TEX36: variants seen among roughly 807,000 people sequenced by gnomAD.
The protein encoded by TEX36 is testis expressed 36.
TEX36 carries 12 observed loss-of-function variants against 13.6 expected under a neutral mutation model. That is an observed-to-expected ratio of 0.88 (90% CI 0.56 to 1.43). The LOEUF (loss-of-function observed/expected upper bound fraction) is 1.43. Among genes scored for constraint, TEX36 ranks in the 40% most tolerant of loss-of-function variants. The pLI is 0.00. For missense variants in TEX36, 224 were observed against 228.3 expected (o/e 0.98, Z 0.12); for synonymous variants, 93 against 83.0 (o/e 1.12, Z -0.65).
At position 125,596,424 on chromosome 10, in the gene TEX36, C is replaced by T. The variant is rs193060031; in HGVS notation, c.265-19550G>A. The stretch of plus-strand genomic sequence containing the variant: ...TTCAAAGATAAAGCAAAACTGTTGG[C>T]TTTGAAAATGGAGGAAGAGACCATG... On this transcript the variant is annotated intron_variant, in intron 3 of 3. Coordinates refer to the TEX36 transcript ENST00000532135. Among the ~76,000 whole-genome samples, 546 of 152,126 alleles carry T rather than the reference C, an allele frequency of 3.6e-3. 19 individuals are homozygous for T. The highest frequency in any genetic ancestry group is 1.4e-3 in the East Asian group (7 of 5,184).
At chr10:125,586,685 T>C (rs147221640) in intron 3 of TEX36, among the ~76,000 whole-genome samples, 3 of 148,724 alleles carry the variant, frequency 2.0e-5, no homozygotes, top group Non-Finnish European at 3.0e-5. Flanking sequence ...CACACACTTG[T>C]AGTCCCAGCT....
At chr10:125,579,661 T>G (rs891571265) in intron 3 of TEX36, among the ~76,000 whole-genome samples, 7 of 152,166 alleles carry the variant, frequency 4.6e-5, no homozygotes, top group Admixed American at 4.6e-4. Flanking sequence ...GATTGGATCA[T>G]GGGGGTGGAT....
chr10:125,601,822 G>T (rs577435437), intron 3 of TEX36, among the ~76,000 whole-genome samples: 2 of 152,170 alleles, frequency 1.3e-5, no homozygotes, highest in Non-Finnish European at 2.9e-5. Context: ...TGGGAACACC[G>T]ACCTGCTAAC....
At chr10:125,578,784 C>T (rs2133519289) in intron 3 of TEX36, among the ~76,000 whole-genome samples, 1 of 152,292 alleles carries the variant, frequency 6.6e-6, no homozygotes, top group African/African-American at 2.4e-5. Context: ...TGAGAGCAAC[C>T]TCTCAAAAAC....
intron 3 of TEX36, among the ~76,000 whole-genome samples, chr10:125,601,170 T>C (rs778553917): frequency 5.3e-5 from 8 of 152,280 alleles, no homozygotes; most frequent in Non-Finnish European, 8.8e-5. Context: ...TAATTTTCAG[T>C]TAATCATAAC....
intron 3 of TEX36, among the ~76,000 whole-genome samples, chr10:125,649,929 T>A (rs1011272017): frequency 6.6e-6 from 1 of 152,190 alleles, no homozygotes; most frequent in African/African-American, 2.4e-5. Flanking sequence ...AAGGGATCAA[T>A]TTATCAAGAA....
chr10:125,636,385 T>A (rs961175406), intron 3 of TEX36, among the ~76,000 whole-genome samples: 140 of 150,302 alleles, frequency 9.3e-4, no homozygotes, highest in Middle Eastern at 3.4e-3. Flanking sequence ...TTTTTTTTTT[T>A]ATATATTTTT....
At chr10:125,581,092 GCAGCCTAGGGA>G (rs1421189651) in intron 3 of TEX36, among the ~76,000 whole-genome samples, 1 of 152,280 alleles carries the variant, frequency 6.6e-6, no homozygotes, top group African/African-American at 2.4e-5. Flanking sequence ...TCTAGCAGCA[GCAGCCTAGGGA>G]CAGCTTCCCT....
At position 125,597,086 on chromosome 10, in the gene TEX36, C is replaced by T. The variant is rs532601023; in HGVS notation, c.265-20212G>A. Reference sequence around the variant, plus strand: ...AAACCTGGCTGAGCCCTGCAGGTGACCACATGCAATTTTAGGGGAGTGACT... The same window carrying T: ...AAACCTGGCTGAGCCCTGCAGGTGATCACATGCAATTTTAGGGGAGTGACT... On this transcript the variant is annotated intron_variant, in intron 3 of 3. Transcript: ENST00000532135. 7.2e-4 allele frequency among the ~76,000 whole-genome samples: 110 copies of T among 152,326 alleles called. 1 individual carries two copies. Among genetic ancestry groups the T allele is most frequent in the African/African-American group, 2.6e-3 (108 of 41,574 alleles).
At chr10:125,595,800 C>T (rs1219769202) in intron 3 of TEX36, among the ~76,000 whole-genome samples, 3 of 152,174 alleles carry the variant, frequency 2.0e-5, no homozygotes, top group Admixed American at 6.5e-5. Flanking sequence ...ACCTCCTTCC[C>T]CTGTTTACTT....
At chr10:125,676,421 A>G (rs1847313387) in intron 1 of TEX36, among the ~76,000 whole-genome samples, 1 of 152,164 alleles carries the variant, frequency 6.6e-6, no homozygotes, top group Admixed American at 6.5e-5. Context: ...ATCTAAGTAC[A>G]GCTACTGTTG....
chr10:125,638,739 G>A (rs1846648653), intron 3 of TEX36, among the ~76,000 whole-genome samples: 1 of 152,218 alleles, frequency 6.6e-6, no homozygotes, highest in Admixed American at 6.5e-5. Context: ...GAGCTGGTCT[G>A]CAGCCACACT....
downstream of TEX36, among the ~76,000 whole-genome samples, chr10:125,617,671 G>A (rs1465264683): frequency 1.3e-5 from 2 of 152,166 alleles, no homozygotes; most frequent in African/African-American, 2.4e-5. Context: ...TAGTCTGATG[G>A]GCTTCCCTTT....
rs763666393 is a variant in TEX36 at position 125,656,074 on chromosome 10, G to A, written c.387C>T (p.Tyr129=). Residue 129 remains tyrosine, a synonymous_variant, in exon 4 of 4, where the codon TAC becomes TAT. Transcript: ENST00000368821. ...LDGFSNNQIS[Y]VYKEAMVVSS... ...AGACCACCATGGCTTCTTTATATAC[G>A]TATGATATTTGGTTATTTGAAAAGC... 25 of 1,551,414 alleles carry A rather than the reference G, an allele frequency of 1.6e-5. No individual in the cohort carries two copies. The highest frequency in any genetic ancestry group is 2.4e-5 in the South Asian group (2 of 84,048).
intron 3 of TEX36, among the ~76,000 whole-genome samples, chr10:125,659,014 T>G (rs1052727348): frequency 6.6e-6 from 1 of 152,074 alleles, no homozygotes; most frequent in African/African-American, 2.4e-5. Context: ...ACATTTGAAA[T>G]GAATTAGATA....
downstream of TEX36, among the ~76,000 whole-genome samples, chr10:125,621,084 A>G (rs758656402): frequency 2.0e-5 from 3 of 152,224 alleles, no homozygotes; most frequent in African/African-American, 2.4e-5. Context: ...TGCTATAAAA[A>G]TGGGTATACA....
At position 125,608,191 on chromosome 10, in the gene TEX36, C is replaced by T. The variant is rs959884530; in HGVS notation, c.265-31317G>A. 4.6e-4 allele frequency among the ~76,000 whole-genome samples: 70 copies of T among 152,132 alleles called. 1 individual carries two copies. Among genetic ancestry groups the T allele is most frequent in the Admixed American group, 2.0e-4 (3 of 15,282 alleles). ...ATAAAGAGAAAGGAGGATGTGGGTC[C>T]TGTGAGTGTTGCTGTATGTGAAACC... On this transcript the variant is annotated intron_variant, in intron 3 of 3. Transcript: ENST00000532135.
At chr10:125,601,042 A>C (rs186797455) in intron 3 of TEX36, among the ~76,000 whole-genome samples, 2 of 152,248 alleles carry the variant, frequency 1.3e-5, no homozygotes, top group Admixed American at 6.5e-5. Flanking sequence ...GTTGGCATGC[A>C]TAAGTGTTGA....
downstream of TEX36, among the ~76,000 whole-genome samples, chr10:125,653,253 A>G (rs1846890302): frequency 6.6e-6 from 1 of 152,148 alleles, no homozygotes; most frequent in South Asian, 2.1e-4. Context: ...TCCATCAATG[A>G]CAGACTGGAT....
Sources: gnomAD v4.1 joint callset for allele counts (sites outside exome capture counted in the v4.1 genomes callset) on GRCh38, gnomAD v4.1.1 for gene constraint, MANE v1.5 for transcripts, NCBI Gene and HGNC (gene_info 2026-07-23, HGNC 2026-07-21) for gene names.